The following FHOD3 variants were observed in gnomAD, a reference collection of about 807,000 sequenced individuals.
FHOD3 encodes the protein formin homology 2 domain containing 3, also known as FH1/FH2 domain-containing protein 3.
In FHOD3, 90 loss-of-function variants were observed where a neutral mutation model predicts 173.0. That is an observed-to-expected ratio of 0.52 (90% CI 0.44 to 0.62). The LOEUF is 0.62. FHOD3 is among the 20% of genes least tolerant of loss of function. FHOD3 has a pLI of 0.00. For missense variants in FHOD3, 1,945 were observed against 2,034.7 expected (o/e 0.96, Z 0.85); for synonymous variants, 828 against 823.0 (o/e 1.01, Z -0.10).
chr18:36,523,491 C>T lies in FHOD3; in HGVS notation c.511+10948C>T, dbSNP rs146693402. ...CACATCCAGCATCAGCAGGAAAGAG[C>T]GCCACAGCTGATTAGGGAAGTCTGT... On this transcript the variant is annotated intron_variant, in intron 5 of 28. Coordinates refer to ENST00000590592, the MANE Select transcript of FHOD3 (RefSeq NM_001281740.3). Among the ~76,000 whole-genome samples, 321 of 152,282 alleles carry T rather than the reference C, an allele frequency of 2.1e-3. 2 individuals are homozygous for T. Among genetic ancestry groups the T allele is most frequent in the African/African-American group, 6.6e-3 (274 of 41,554 alleles).
intron 17 of FHOD3, among the ~76,000 whole-genome samples, chr18:36,704,086 ATTAC>A (rs2039737152): frequency 6.6e-6 from 1 of 151,880 alleles, no homozygotes; most frequent in South Asian, 2.1e-4. Flanking sequence ...CTTCTTTTCT[ATTAC>A]TTCTTCCACC....
At chr18:36,522,614 G>T (rs1346512316) in intron 5 of FHOD3, among the ~76,000 whole-genome samples, 1 of 152,208 alleles carries the variant, frequency 6.6e-6, no homozygotes, top group Non-Finnish European at 1.5e-5. Context: ...GGATTTCTTG[G>T]AGATGGGAGT....
intron 1 of FHOD3, among the ~76,000 whole-genome samples, chr18:36,304,512 A>T (rs1461447562): frequency 6.6e-6 from 1 of 152,202 alleles, no homozygotes; most frequent in Non-Finnish European, 1.5e-5. Context: ...TTACTGTATG[A>T]TCTGAGTGTG....
At chr18:36,436,776 A>G (rs1303405599) in intron 3 of FHOD3, among the ~76,000 whole-genome samples, 1 of 152,236 alleles carries the variant, frequency 6.6e-6, no homozygotes, top group Non-Finnish European at 1.5e-5. Flanking sequence ...ACTGGCAGCT[A>G]CTGAAAGATT....
At chr18:36,349,287 C>T (rs2046008329) in intron 1 of FHOD3, among the ~76,000 whole-genome samples, 1 of 152,224 alleles carries the variant, frequency 6.6e-6, no homozygotes, top group Admixed American at 6.5e-5. Flanking sequence ...GCCCCAGTCT[C>T]TGCCAGGTCA....
chr18:36,374,944 G>C (rs567109974), intron 3 of FHOD3, among the ~76,000 whole-genome samples: 1 of 152,170 alleles, frequency 6.6e-6, no homozygotes, highest in African/African-American at 2.4e-5. Flanking sequence ...GGATTTGGCC[G>C]TATAAACTAA....
At chr18:36,443,386 G>A (rs938374699) in intron 3 of FHOD3, among the ~76,000 whole-genome samples, 1 of 152,114 alleles carries the variant, frequency 6.6e-6, no homozygotes, top group African/African-American at 2.4e-5. Context: ...ATGGATATTT[G>A]TTTTATTCTA....
In FHOD3 at chr18:36,564,930, A is replaced by G. The variant is rs958884786; in HGVS notation, c.512-11521A>G. On this transcript the variant is annotated intron_variant, in intron 5 of 28. Transcript: ENST00000590592. ...AAATGCTGCTAAATGTCAGCAAGGG[A>G]CTCAAAACTTTGACACCTTGTTGGA... 2.6e-5 allele frequency among the ~76,000 whole-genome samples: 4 copies of G among 152,248 alleles called. No homozygotes were observed. The East Asian group carries it at 7.7e-4, about 29-fold the overall frequency.
intron 3 of FHOD3, among the ~76,000 whole-genome samples, chr18:36,414,759 T>C (rs779038774): frequency 2.2e-4 from 34 of 152,166 alleles, no homozygotes; most frequent in Non-Finnish European, 1.2e-4. Context: ...TTCAGGAGTT[T>C]TAACCCTCAC....
At chr18:36,596,444 A>T (rs1473482887) in intron 7 of FHOD3, among the ~76,000 whole-genome samples, 1 of 147,780 alleles carries the variant, frequency 6.8e-6, no homozygotes, top group Non-Finnish European at 1.5e-5. Flanking sequence ...CGGCCTCCCA[A>T]AGTGCTGGGA....
At chr18:36,372,118 G>A (rs1232827541) in intron 2 of FHOD3, among the ~76,000 whole-genome samples, 1 of 152,138 alleles carries the variant, frequency 6.6e-6, no homozygotes, top group Non-Finnish European at 1.5e-5. Context: ...GGTGAGATGT[G>A]GTGTGGTGTA....
At chr18:36,406,089 G>GTTTTTTTT (rs763484942) in intron 3 of FHOD3, among the ~76,000 whole-genome samples, 2 of 135,718 alleles carry the variant, frequency 1.5e-5, no homozygotes, top group South Asian at 2.6e-4. Flanking sequence ...TTTTGTTTTT[G>GTTTTTTTT]TTTTTGTTTT....
chr18:36,727,931 G>C (rs968837512), intron 19 of FHOD3, among the ~76,000 whole-genome samples: 1 of 152,202 alleles, frequency 6.6e-6, no homozygotes, highest in African/African-American at 2.4e-5. Context: ...TTGTGGATGA[G>C]GGGTTAAGGG....
intron 5 of FHOD3, among the ~76,000 whole-genome samples, chr18:36,516,400 C>G (rs2055978873): frequency 1.3e-5 from 2 of 152,208 alleles, no homozygotes; most frequent in Admixed American, 6.5e-5. Flanking sequence ...CAAACACCTG[C>G]ATTGTGGCTT....
At chr18:36,746,901 T>TC in intron 23 of FHOD3, 44 bp from the exon 24 acceptor site, 1 of 1,489,642 alleles carries the variant, frequency 6.7e-7, no homozygotes, top group Non-Finnish European at 9.1e-7. Context: ...CAGGCTGGTG[T>TC]CCGGCGGTTT....
At chr18:36,432,460 A>T (rs1299834349) in intron 3 of FHOD3, among the ~76,000 whole-genome samples, 2 of 152,190 alleles carry the variant, frequency 1.3e-5, no homozygotes, top group Non-Finnish European at 2.9e-5. Flanking sequence ...TTTTCCTAGC[A>T]AAGTGGGCAG....
intron 18 of FHOD3, 117 bp downstream of exon 18, chr18:36,709,508 CAT>C: frequency 1.8e-6 from 2 of 1,131,258 alleles, no homozygotes; most frequent in Non-Finnish European, 2.5e-6. Context: ...TCAACCCACT[CAT>C]GTGGCTGTGT....
chr18:36,335,847 C>T (rs1383989676), intron 1 of FHOD3, among the ~76,000 whole-genome samples: 1 of 152,184 alleles, frequency 6.6e-6, no homozygotes, highest in Admixed American at 6.5e-5. Flanking sequence ...ACAGTAGGCA[C>T]AGAGGAACTA....
intron 14 of FHOD3, among the ~76,000 whole-genome samples, chr18:36,676,235 C>T (rs2037848274): frequency 6.6e-6 from 1 of 152,124 alleles, no homozygotes; most frequent in Non-Finnish European, 1.5e-5. Context: ...GTATCACTAG[C>T]TTGTAGATTT....
Sources: gnomAD v4.1 joint callset for allele counts (sites outside exome capture counted in the v4.1 genomes callset) on GRCh38, gnomAD v4.1.1 for gene constraint, MANE v1.5 for transcripts, NCBI Gene and HGNC (gene_info 2026-07-23, HGNC 2026-07-21) for gene names.